The following AMD1 variants were observed in gnomAD, a reference collection of about 807,000 sequenced individuals.
The protein encoded by AMD1 is adenosylmethionine decarboxylase 1.
A neutral mutation model predicts 40.2 loss-of-function variants in AMD1; 11 were observed. The observed-to-expected ratio is 0.27, with a 90% CI of 0.17 to 0.45. The LOEUF is 0.45. Among genes scored for constraint, AMD1 ranks in the 20% least tolerant of loss-of-function variants. The pLI is 1.00. For missense variants in AMD1, 257 were observed against 410.2 expected (o/e 0.63, Z 3.23); for synonymous variants, 121 against 130.8 (o/e 0.93, Z 0.51).
At chr6:110,837,518 C>T in the AMD1 span, among the ~76,000 whole-genome samples, 1 of 150,258 alleles carries the variant, frequency 6.7e-6, no homozygotes, top group Non-Finnish European at 1.5e-5. Flanking sequence ...CAAGACCAGC[C>T]TGGCCAACAT....
At chr6:110,855,222 C>G in the AMD1 span, among the ~76,000 whole-genome samples, 1 of 151,544 alleles carries the variant, frequency 6.6e-6, no homozygotes, top group Non-Finnish European at 1.5e-5. Flanking sequence ...ACCTTGAGAT[C>G]AAAGAAATAA....
At chr6:110,885,162 G>C (rs1183947391) in intron 1 of AMD1, among the ~76,000 whole-genome samples, 2 of 152,294 alleles carry the variant, frequency 1.3e-5, no homozygotes, top group Middle Eastern at 3.4e-3. Context: ...TGTCGCCCAG[G>C]CTGGAATGCA....
Position 110,892,392 on chromosome 6 carries a change from T to G in AMD1, c.564T>G (p.Val188=). The part of the protein sequence containing the change: ...EILMSELDPA[V]MDQFYMKDGV... ...TGATGAGTGAGCTTGACCCAGCAGT[T>G]ATGGACCAGTTCTACATGAAAGATG... is the stretch of plus-strand genomic sequence containing the variant. Residue 188 remains valine, a synonymous_variant, in exon 6 of 9, where the codon GTT becomes GTG. Coordinates refer to ENST00000368885, the MANE Select transcript of AMD1 (RefSeq NM_001634.6). 1 of 1,612,638 alleles carries G rather than the reference T, an allele frequency of 6.2e-7. No homozygotes were observed. Among genetic ancestry groups the G allele is most frequent in the Non-Finnish European group, 8.5e-7 (1 of 1,180,030 alleles).
chr6:110,855,300 A>G, the AMD1 span, among the ~76,000 whole-genome samples: 1 of 151,992 alleles, frequency 6.6e-6, no homozygotes, highest in African/African-American at 2.4e-5. Context: ...TATTAAATCT[A>G]CCAAAAAATT....
the AMD1 span, chr6:110,858,297 AC>A: frequency 4.4e-6 from 4 of 902,664 alleles, no homozygotes; most frequent in East Asian, 1.0e-4. Flanking sequence ...GAGATCAAGA[AC>A]CGGCTCCTGT....
At position 110,894,750 on chromosome 6, in the gene AMD1, A is replaced by G. The variant is rs546991779; in HGVS notation, c.*1134A>G. 5.3e-5 allele frequency: 8 copies of G among 152,328 alleles called. No homozygotes were observed. Among genetic ancestry groups the G allele is most frequent in the Non-Finnish European group, 1.2e-4 (8 of 68,034 alleles). 9.4% of individuals were successfully genotyped at this position (152,328 alleles called of 1,614,324 possible). ...TGTTCTATAAACTTTGATCCAAAGCAGAATCAATGTCTTTTCCATCTCGTG... is the reference window on the plus strand; with the variant it reads ...TGTTCTATAAACTTTGATCCAAAGCGGAATCAATGTCTTTTCCATCTCGTG... On this transcript the variant is annotated 3_prime_UTR_variant, in exon 9 of 9. Transcript: ENST00000368885.
At chr6:110,845,327 C>A in the AMD1 span, among the ~76,000 whole-genome samples, 951 of 152,136 alleles carry the variant, frequency 6.3e-3, 17 homozygotes, top group African/African-American at 0.022. Context: ...ACATGAGCCA[C>A]CACACCTGGC....
intron 2 of AMD1, 80 bp downstream of exon 2, chr6:110,887,671 T>C: frequency 9.6e-7 from 1 of 1,044,066 alleles, no homozygotes; most frequent in Non-Finnish European, 1.4e-6. Context: ...CTCTCAGTTG[T>C]AGTTCTGGGG....
In AMD1 at chr6:110,875,196, G is replaced by A. The variant is rs1239833147; in HGVS notation, c.91G>A (p.Asp31Asn). ...GCCCGACGCAAACCAAGGATCTGGG[G>A]ATCTTCGCACTATCCCAAGGTGGGT... ...QQPDANQGSG[D>N]LRTIPRSEWD... is the part of the protein sequence containing the mutation. Residue 31 changes from aspartate to asparagine, a missense_variant, in exon 1 of 9, where the codon GAT becomes AAT. Physicochemically the swap from Asp to Asn is conservative, Grantham distance 23. This residue lies in a region of AMD1 where 57 missense variants were observed against 76.8 expected (regional missense o/e 0.74). Transcript: ENST00000368885. 6.2e-7 allele frequency: 1 copy of A among 1,611,498 alleles called. No individual in the cohort carries two copies. Among genetic ancestry groups the A allele is most frequent in the Non-Finnish European group, 8.5e-7 (1 of 1,178,878 alleles).
the AMD1 span, among the ~76,000 whole-genome samples, chr6:110,848,932 G>A: frequency 6.6e-6 from 1 of 152,200 alleles, no homozygotes; most frequent in Non-Finnish European, 1.5e-5. Flanking sequence ...GATTGAGCCA[G>A]GAGTTGGTGG....
At chr6:110,858,555 T>C in the AMD1 span, 1 of 1,601,802 alleles carries the variant, frequency 6.2e-7, no homozygotes, top group Non-Finnish European at 8.5e-7. Context: ...GTGGACCTGT[T>C]CGATGCCAAC....
chr6:110,824,849 G>A, the AMD1 span, among the ~76,000 whole-genome samples: 1 of 152,066 alleles, frequency 6.6e-6, no homozygotes, highest in South Asian at 2.1e-4. Context: ...CTAGGCATAC[G>A]TTAGCTAATA....
At chr6:110,847,063 G>GTGTGTGGT in the AMD1 span, among the ~76,000 whole-genome samples, 6,586 of 143,112 alleles carry the variant, frequency 0.046, 209 homozygotes, top group East Asian at 0.19. Context: ...GTGTGTGTGT[G>GTGTGTGGT]GTGTGTGTGT....
At chr6:110,857,675 G>GAA in the AMD1 span, among the ~76,000 whole-genome samples, 1 of 115,620 alleles carries the variant, frequency 8.6e-6, no homozygotes, top group African/African-American at 3.5e-5. Context: ...TATACAGATG[G>GAA]CATATATATA....
chr6:110,892,728 C>CCT lies in AMD1; in HGVS notation c.616-6_616-5insTC. On this transcript the variant is annotated splice_region_variant and splice_polypyrimidine_tract_variant and intron_variant, in intron 6 of 8. Transcript: ENST00000368885. Reference sequence around the variant, plus strand: ...CCTTGTTAAACTCGGTCTTTTTCCCCCCCCAGGAGAGTGGAATTCGTGACC... The same window carrying CCT: ...CCTTGTTAAACTCGGTCTTTTTCCCCCTCCCCAGGAGAGTGGAATTCGTGACC... 1 of 1,608,016 alleles carries CCT rather than the reference C, an allele frequency of 6.2e-7. No individual in the cohort carries two copies. Among genetic ancestry groups the CCT allele is most frequent in the Non-Finnish European group, 8.5e-7 (1 of 1,176,088 alleles).
the AMD1 span, among the ~76,000 whole-genome samples, chr6:110,846,863 C>T: frequency 9.2e-5 from 14 of 151,680 alleles, no homozygotes; most frequent in East Asian, 2.7e-3. Context: ...GAGCAAGACT[C>T]TGTCTCAAAA....
chr6:110,819,567 A>G, the AMD1 span, among the ~76,000 whole-genome samples: 11 of 152,202 alleles, frequency 7.2e-5, no homozygotes, highest in Non-Finnish European at 1.2e-4. Context: ...GTTAGGAAAC[A>G]CAGGAATGGG....
At chr6:110,877,411 A>T (rs182745302) in intron 1 of AMD1, among the ~76,000 whole-genome samples, 3 of 152,412 alleles carry the variant, frequency 2.0e-5, no homozygotes, top group Admixed American at 2.0e-4. Context: ...GAATCACCTA[A>T]AATCAACAGC....
chr6:110,879,036 A>C (rs548794314), intron 1 of AMD1, among the ~76,000 whole-genome samples: 4 of 152,274 alleles, frequency 2.6e-5, no homozygotes, highest in South Asian at 4.1e-4. Context: ...CTAAAGAATA[A>C]AGCTTCTCGT....
Sources: allele counts gnomAD v4.1 joint callset (sites outside exome capture counted in the v4.1 genomes callset), GRCh38; gene constraint gnomAD v4.1.1; regional missense constraint gnomAD v4.1.1; transcripts MANE v1.5; gene names NCBI Gene and HGNC (gene_info 2026-07-23, HGNC 2026-07-21).